The following PAH variants were observed in gnomAD, a reference collection of about 807,000 sequenced individuals.
PAH encodes phenylalanine hydroxylase.
A neutral mutation model predicts 62.0 loss-of-function variants in PAH; 64 were observed. The ratio of observed to expected loss-of-function variants is 1.03; its 90% confidence interval spans 0.84 to 1.27. The LOEUF (loss-of-function observed/expected upper bound fraction) is 1.27, where lower values mean the gene tolerates loss of function less well. Among genes scored for constraint, PAH ranks in the 50% most tolerant of loss-of-function variants. The pLI is 0.00. For synonymous variants in PAH, 195 were observed against 196.2 expected, an observed-to-expected ratio of 0.99 and a Z score of 0.05; for missense variants, 579 against 542.8, an observed-to-expected ratio of 1.07 and a Z score of -0.66.
At position 102,868,140 on chromosome 12, in the gene PAH, A is replaced by G. The variant is rs1386586097; in HGVS notation, c.442-1477T>C. On this transcript the variant is annotated intron_variant, in intron 4 of 12. Transcript: ENST00000553106. Reference sequence around the variant, plus strand: ...TACATATATGTGTATATATATATATATATATATATATATACACATATATAT... The same window carrying G: ...TACATATATGTGTATATATATATATGTATATATATATATACACATATATAT... Among the ~76,000 whole-genome samples, 10 of 4,586 alleles carry G rather than the reference A, an allele frequency of 2.2e-3. 2 individuals are homozygous for G. The highest frequency in any genetic ancestry group is 0.011 in the African/African-American group (7 of 660). The allele number at this position is 4,586 out of a possible 152,430, so 3.0% of individuals were successfully genotyped here. A position where few individuals can be genotyped will look rare whatever the true frequency, so the allele number is the denominator to read the frequency against.
At chr12:102,864,716 G>A (rs1736968428) in intron 5 of PAH, among the ~76,000 whole-genome samples, 1 of 151,322 alleles carries the variant, frequency 6.6e-6, no homozygotes, top group African/African-American at 2.4e-5. Context: ...GTGCTAGTCT[G>A]GGAATGACTG....
chr12:102,927,373 A>G (rs907931829), intron 1 of PAH, among the ~76,000 whole-genome samples: 3 of 151,332 alleles, frequency 2.0e-5, no homozygotes, highest in Admixed American at 2.0e-4. Flanking sequence ...TTCTCTGCAA[A>G]CTCACACACT....
intron 1 of PAH, among the ~76,000 whole-genome samples, chr12:102,934,631 C>A (rs73393595): frequency 0.032 from 4,873 of 151,842 alleles, 265 homozygotes; most frequent in African/African-American, 0.11. Context: ...ATTGTAGAGA[C>A]CTTTCACTTC....
chr12:102,866,547 C>A (rs547891977), intron 5 of PAH, 49 bp downstream of exon 5: 2 of 1,409,696 alleles, frequency 1.4e-6, no homozygotes, highest in African/African-American at 2.8e-5. Flanking sequence ...GAGAAGCAGG[C>A]TAGGGGTGTG....
intron 4 of PAH, 170 bp downstream of exon 4, chr12:102,877,292 T>C: frequency 1.5e-6 from 1 of 679,414 alleles, no homozygotes; most frequent in Non-Finnish European, 2.7e-6. Context: ...ATAATGATGA[T>C]GACAATAAAG....
chr12:102,949,988 T>C (rs1879676519), intron 1 of PAH: 1 of 152,226 alleles, frequency 6.6e-6, no homozygotes, highest in South Asian at 2.1e-4. Flanking sequence ...GCCTTGATCA[T>C]TTTTAGATCT....
chr12:102,855,309 T>C lies in PAH; in HGVS notation c.533A>G (p.Glu178Gly), dbSNP rs77958223. Reference protein sequence around the residue: ...YRHGQPIPRVEYMEEEKKTWG... With the variant: ...YRHGQPIPRVGYMEEEKKTWG... ...TGTTTTCTTTTCTTCCTCCATGTATTCCACTCGAGGGATGGGCTGCCCACT... is the reference window on the plus strand; with the variant it reads ...TGTTTTCTTTTCTTCCTCCATGTATCCCACTCGAGGGATGGGCTGCCCACT... Residue 178 changes from glutamate to glycine, a missense_variant, in exon 6 of 13, where the codon GAA becomes GGA. Transcript: ENST00000553106. 64 of 1,613,992 alleles carry C rather than the reference T, an allele frequency of 4.0e-5. No homozygotes were observed. Among genetic ancestry groups the C allele is most frequent in the African/African-American group, 5.3e-5 (4 of 74,902 alleles).
chr12:102,868,034 A>T lies in PAH; in HGVS notation c.442-1371T>A, dbSNP rs527687125. ...TACATATATACATATATACATGTATATACACCTATATATATGTATATATAT... is the reference window on the plus strand; with the variant it reads ...TACATATATACATATATACATGTATTTACACCTATATATATGTATATATAT... On this transcript the variant is annotated intron_variant, in intron 4 of 12. Transcript: ENST00000553106. Among the ~76,000 whole-genome samples, 18 of 131,418 alleles carry T rather than the reference A, an allele frequency of 1.4e-4. 1 individual carries two copies. The highest frequency in any genetic ancestry group is 5.0e-4 in the South Asian group (2 of 3,992). 86.2% of individuals were successfully genotyped at this position (131,418 alleles called of 152,430 possible). A position where few individuals can be genotyped will look rare whatever the true frequency, so the allele number is the denominator to read the frequency against.
In PAH at chr12:102,852,812, C is replaced by G. The variant is rs62507324; in HGVS notation, c.842+3G>C. 7 of 1,614,008 alleles carry G rather than the reference C, an allele frequency of 4.3e-6. No individual in the cohort carries two copies. The highest frequency in any genetic ancestry group is 3.3e-5 in the Admixed American group (2 of 60,014). ...CAACTGGTAGCTGGAGGACAGTACT[C>G]ACGGTTCGGGGGTATACATGGGCTT... On this transcript the variant is annotated splice_donor_region_variant and intron_variant, in intron 7 of 12. Transcript: ENST00000553106.
chr12:102,941,155 C>T (rs772255537), intron 1 of PAH, among the ~76,000 whole-genome samples: 2 of 152,154 alleles, frequency 1.3e-5, no homozygotes, highest in Admixed American at 6.5e-5. Flanking sequence ...ACCTGCCTTA[C>T]AATAGATCTT....
chr12:102,869,874 C>T (rs1057118581), intron 4 of PAH, among the ~76,000 whole-genome samples: 2 of 152,214 alleles, frequency 1.3e-5, no homozygotes, highest in East Asian at 1.9e-4. Context: ...GATGACTGAT[C>T]ACCCTGTCTC....
At chr12:102,877,596 A>T (rs1345198744) in intron 3 of PAH, 46 bp from the exon 4 acceptor site, 6 of 1,413,374 alleles carry the variant, frequency 4.2e-6, no homozygotes, top group Non-Finnish European at 6.0e-6. Flanking sequence ...TTGGCAGAAC[A>T]TGGCCAAAGG....
intron 5 of PAH, among the ~76,000 whole-genome samples, chr12:102,864,622 T>C (rs1875867848): frequency 6.6e-6 from 1 of 151,890 alleles, no homozygotes; most frequent in African/African-American, 2.4e-5. Flanking sequence ...AAAATGAGGG[T>C]AGAAACAGAA....
chr12:102,872,041 CATT>C (rs1400991734), intron 4 of PAH, among the ~76,000 whole-genome samples: 1 of 148,668 alleles, frequency 6.7e-6, no homozygotes, highest in African/African-American at 2.5e-5. Context: ...CATATGAGAT[CATT>C]GTCTCACAAG....
intron 4 of PAH, among the ~76,000 whole-genome samples, chr12:102,876,596 T>C (rs1354771407): frequency 1.3e-5 from 2 of 152,212 alleles, no homozygotes; most frequent in African/African-American, 2.4e-5. Context: ...TGTAAATGGC[T>C]GCAAGTCATT....
intron 1 of PAH, among the ~76,000 whole-genome samples, chr12:102,932,297 A>G (rs1386866114): frequency 6.6e-6 from 1 of 152,366 alleles, no homozygotes; most frequent in African/African-American, 2.4e-5. Context: ...AGGAAATGGC[A>G]CAAGACTTTG....
At chr12:102,881,417 A>C (rs1262361798) in intron 3 of PAH, among the ~76,000 whole-genome samples, 1 of 152,146 alleles carries the variant, frequency 6.6e-6, no homozygotes, top group Non-Finnish European at 1.5e-5. Context: ...GATCAAGTTA[A>C]TGAACATATT....
chr12:102,908,862 A>G (rs1001470216), intron 2 of PAH, among the ~76,000 whole-genome samples: 1 of 124,564 alleles, frequency 8.0e-6, no homozygotes, highest in Non-Finnish European at 1.7e-5. Flanking sequence ...TTTTTTTGAG[A>G]CAGAGTTTCA....
At chr12:102,942,350 T>G (rs371748263) in intron 1 of PAH, among the ~76,000 whole-genome samples, 2 of 152,158 alleles carry the variant, frequency 1.3e-5, no homozygotes, top group East Asian at 1.9e-4. Flanking sequence ...TACCTGGGCA[T>G]ACAGCTAACC....
Sources: gnomAD v4.1 joint callset for allele counts (sites outside exome capture counted in the v4.1 genomes callset) on GRCh38, gnomAD v4.1.1 for gene constraint, MANE v1.5 for transcripts, NCBI Gene and HGNC (gene_info 2026-07-23, HGNC 2026-07-21) for gene names.